The following BRDT variants were observed in gnomAD, a reference collection of about 807,000 sequenced individuals.
The protein encoded by BRDT is bromodomain testis associated.
In BRDT, 77 loss-of-function variants were observed where a neutral mutation model predicts 113.9. The ratio of observed to expected loss-of-function variants is 0.68; its 90% confidence interval spans 0.56 to 0.82. The LOEUF is 0.82. BRDT is among the 40% of genes least tolerant of loss of function. The probability of loss-of-function intolerance (pLI) is 0.00; values close to 1 mark genes in which losing one functional copy is unlikely to be tolerated. For synonymous variants in BRDT, 358 were observed against 366.5 expected, an observed-to-expected ratio of 0.98 and a Z score of 0.26; for missense variants, 1,027 against 1,105.4, an observed-to-expected ratio of 0.93 and a Z score of 1.01.
At chr1:91,988,593 G>A (rs925565763) in intron 12 of BRDT, among the ~76,000 whole-genome samples, 2 of 151,848 alleles carry the variant, frequency 1.3e-5, no homozygotes, top group African/African-American at 2.4e-5. Flanking sequence ...TAGGCGGGGG[G>A]TTTCACCAGG....
intron 15 of BRDT, among the ~76,000 whole-genome samples, chr1:91,999,358 C>G (rs1043661010): frequency 2.6e-5 from 4 of 152,128 alleles, no homozygotes; most frequent in African/African-American, 9.7e-5. Context: ...TTTGAGGTAT[C>G]ACAGGGTCAT....
chr1:91,985,918 G>C (rs1685195201), intron 12 of BRDT, among the ~76,000 whole-genome samples: 1 of 151,842 alleles, frequency 6.6e-6, no homozygotes, highest in Non-Finnish European at 1.5e-5. Context: ...GATTACAGGC[G>C]TGAGCCACCG....
intron 1 of BRDT, among the ~76,000 whole-genome samples, chr1:91,955,750 G>C (rs553149752): frequency 2.8e-4 from 42 of 152,334 alleles, no homozygotes; most frequent in African/African-American, 9.9e-4. Context: ...TTGCTGGACA[G>C]TGAGCTTCAC....
At chr1:91,990,121 G>A (rs1557848247) in intron 12 of BRDT, among the ~76,000 whole-genome samples, 2 of 152,188 alleles carry the variant, frequency 1.3e-5, no homozygotes, top group Non-Finnish European at 2.9e-5. Context: ...ATTATGACTG[G>A]GGAGGATAGC....
At chr1:91,974,561 C>T (rs1570506234) in intron 4 of BRDT, among the ~76,000 whole-genome samples, 1 of 152,144 alleles carries the variant, frequency 6.6e-6, no homozygotes, top group South Asian at 2.1e-4. Flanking sequence ...TCAGAGAAAT[C>T]CAAATCAAAA....
In BRDT at chr1:91,979,758, G is replaced by A; in HGVS notation, c.1287+1G>A. The A allele has an allele frequency of 6.3e-7, 1 of 1,595,240 alleles. No homozygotes were observed. The highest frequency in any genetic ancestry group is 8.5e-7 in the Non-Finnish European group (1 of 1,174,862). ...GCGTCTTGCAAAGCTTCAGGAGCAG[G>A]TAGTTGATTGTATTGATACAAATTT... On this transcript the variant is annotated splice_donor_variant, in intron 8 of 18. Coordinates refer to ENST00000399546, the MANE Select transcript of BRDT (RefSeq NM_207189.4). LOFTEE classifies it high-confidence loss of function.
At position 91,962,386 on chromosome 1, in the gene BRDT, T is replaced by C. The variant is rs190341637; in HGVS notation, c.-37-332T>C. ...TTCATTCTTGTTGCCCAGGCTGTAG[T>C]GCAATGGCACGATCTTGGCTCACTG... On this transcript the variant is annotated intron_variant, in intron 1 of 18. Transcript: ENST00000399546. Among the ~76,000 whole-genome samples, 366 of 152,004 alleles carry C rather than the reference T, an allele frequency of 2.4e-3. 1 individual carries two copies. The highest frequency in any genetic ancestry group is 3.3e-3 in the Admixed American group (50 of 15,236).
At chr1:91,999,880 T>C (rs2101786489) in intron 15 of BRDT, among the ~76,000 whole-genome samples, 1 of 152,262 alleles carries the variant, frequency 6.6e-6, no homozygotes, top group East Asian at 1.9e-4. Context: ...AGTCCTCAGA[T>C]TGTATTTATT....
rs1224543710 is a variant in BRDT at position 91,979,842 on chromosome 1, A to G, written c.1287+85A>G. The G allele has an allele frequency of 3.0e-6, 4 of 1,327,642 alleles. No individual in the cohort carries two copies. In the African/African-American group the frequency reaches 5.9e-5, roughly 20 times the overall value. 82.2% of individuals were successfully genotyped at this position (1,327,642 alleles called of 1,614,324 possible). A position where few individuals can be genotyped will look rare whatever the true frequency, so the allele number is the denominator to read the frequency against. On this transcript the variant is annotated intron_variant, in intron 8 of 18. Transcript: ENST00000399546. The stretch of plus-strand genomic sequence containing the variant: ...TTTTTTCTGCAGATTTAAAGCTGTT[A>G]TAGTTAAATCGCTTCATAACTGTGG...
chr1:91,996,903 G>A (rs1686395045), intron 15 of BRDT, among the ~76,000 whole-genome samples: 1 of 152,136 alleles, frequency 6.6e-6, no homozygotes. Context: ...ACAGGAATTA[G>A]AAATTAGGAA....
chr1:92,002,169 T>TC lies in BRDT; in HGVS notation c.2388+21dup. ...CAGAAGGTAAAAGTAATTTTTTTTT[T>TC]CTAACAAATCTTGAAGGGATTTGAA... On this transcript the variant is annotated intron_variant, in intron 16 of 18. Coordinates refer to ENST00000399546, the MANE Select transcript of BRDT (RefSeq NM_207189.4). The TC allele has an allele frequency of 6.4e-7, 1 of 1,552,424 alleles. No homozygotes were observed.
intron 18 of BRDT, 64 bp downstream of exon 18, chr1:92,005,363 T>C: frequency 1.4e-6 from 2 of 1,389,986 alleles, no homozygotes; most frequent in Admixed American, 5.6e-5. Context: ...AGCACTGTCT[T>C]TTGTATGTTC....
intron 15 of BRDT, among the ~76,000 whole-genome samples, chr1:91,999,360 C>T (rs912022280): frequency 2.6e-5 from 4 of 152,140 alleles, no homozygotes; most frequent in Non-Finnish European, 5.9e-5. Context: ...TGAGGTATCA[C>T]AGGGTCATTC....
rs1431693735 is a variant in BRDT at position 91,980,828 on chromosome 1, T to C, written c.1460+13T>C. 1.3e-6 allele frequency: 2 copies of C among 1,590,258 alleles called. No homozygotes were observed. The highest frequency in any genetic ancestry group is 1.4e-5 in the African/African-American group (1 of 73,188). Reference sequence around the variant, plus strand: ...AGTCCAAGAGAAAGTAAGTATCTTTTATTATGATAGCTTATTAAGACAATA... The same window carrying C: ...AGTCCAAGAGAAAGTAAGTATCTTTCATTATGATAGCTTATTAAGACAATA... On this transcript the variant is annotated intron_variant, in intron 9 of 18. Transcript: ENST00000399546.
chr1:91,995,119 A>C (rs1686178847), intron 15 of BRDT, among the ~76,000 whole-genome samples: 1 of 151,998 alleles, frequency 6.6e-6, no homozygotes, highest in Admixed American at 6.6e-5. Flanking sequence ...GTTGAAGGGG[A>C]TGTGTGGCAC....
intron 18 of BRDT, among the ~76,000 whole-genome samples, chr1:92,013,289 G>A (rs1687967754): frequency 6.6e-6 from 1 of 151,848 alleles, no homozygotes; most frequent in South Asian, 2.1e-4. Context: ...TGTCTCTAAG[G>A]CAGATTTAAA....
At chr1:91,975,784 G>A (rs561372628) in intron 4 of BRDT, among the ~76,000 whole-genome samples, 5 of 152,330 alleles carry the variant, frequency 3.3e-5, no homozygotes, top group Admixed American at 6.5e-5. Flanking sequence ...GCAGAAGAAC[G>A]TGACAATTGT....
chr1:91,962,679 C>T, intron 1 of BRDT, 39 bp from the exon 2 acceptor site: 1 of 1,260,082 alleles, frequency 7.9e-7, no homozygotes, highest in Non-Finnish European at 1.1e-6. Context: ...GGAAACCATT[C>T]CTAAAGTGCT....
intron 18 of BRDT, among the ~76,000 whole-genome samples, chr1:92,010,458 AT>A (rs1297507778): frequency 2.7e-5 from 4 of 150,188 alleles, no homozygotes; most frequent in African/African-American, 4.9e-5. Flanking sequence ...TTTTGTTTTT[AT>A]TTTTTTAGTA....
Sources: gnomAD v4.1 joint callset for allele counts (sites outside exome capture counted in the v4.1 genomes callset) on GRCh38, gnomAD v4.1.1 for gene constraint, MANE v1.5 for transcripts, NCBI Gene and HGNC (gene_info 2026-07-23, HGNC 2026-07-21) for gene names.